Variants in HUWE1 observed in about 807,000 individuals in gnomAD.
The protein encoded by HUWE1 is HECT, UBA and WWE domain containing E3 ubiquitin protein ligase 1.
A neutral mutation model predicts 299.4 loss-of-function variants in HUWE1; 18 were observed. That is an observed-to-expected ratio of 0.06 (90% CI 0.04 to 0.09). The LOEUF (loss-of-function observed/expected upper bound fraction) is 0.09, where lower values mean the gene tolerates loss of function less well. Ranked by LOEUF, HUWE1 falls within the 10% of genes least tolerant of loss-of-function variation. HUWE1 has a pLI of 1.00. For synonymous variants in HUWE1, 1,317 were observed against 1,286.1 expected, an observed-to-expected ratio of 1.02 and a Z score of -0.51; for missense variants, 1,832 against 3,462.3, an observed-to-expected ratio of 0.53 and a Z score of 11.82.
chrX:53,629,420 C>A (rs1603203242), intron 13 of HUWE1, 96 bp downstream of exon 13: 6 of 587,814 alleles, frequency 1.0e-5, no homozygotes, highest in Middle Eastern at 3.1e-4. Flanking sequence ...TATGTATATG[C>A]AAATATCCCC....
At chrX:53,537,723 T>C in intron 77 of HUWE1, 27 bp from the exon 78 acceptor site, 4 of 1,199,501 alleles carry the variant, frequency 3.3e-6, no homozygotes, top group Non-Finnish European at 3.4e-6. Context: ...GGAAGGAAGA[T>C]AGGATTAAGG....
chrX:53,537,084 G>A (rs940209540), intron 78 of HUWE1, among the ~76,000 whole-genome samples: 3 of 111,627 alleles, frequency 2.7e-5, no homozygotes, highest in Non-Finnish European at 5.6e-5. Context: ...TGATTACACA[G>A]TTGGAGAGCC....
intron 60 of HUWE1, chrX:53,556,334 A>G (rs782567016): frequency 8.7e-6 from 3 of 345,070 alleles, no homozygotes; most frequent in Admixed American, 6.2e-5. Context: ...TGGCATGAGC[A>G]GAATCCTCTA....
intron 43 of HUWE1, among the ~76,000 whole-genome samples, chrX:53,578,867 C>CGCCGCCCGGCCAGCCG (rs2063401289): frequency 1.2e-5 from 1 of 80,159 alleles, no homozygotes; most frequent in African/African-American, 5.0e-5. Context: ...GGGGTCAGCC[C>CGCCGCCCGGCCAGCCG]CCCGCCCGGC....
intron 23 of HUWE1, among the ~76,000 whole-genome samples, chrX:53,612,244 T>C (rs1557003121): frequency 8.9e-6 from 1 of 111,848 alleles, no homozygotes; most frequent in Non-Finnish European, 1.9e-5. Context: ...AGTGAAAAAA[T>C]GTATGTGTCA....
At chrX:53,584,921 A>G in intron 40 of HUWE1, 91 bp downstream of exon 40, 2 of 978,244 alleles carry the variant, frequency 2.0e-6, no homozygotes, top group Non-Finnish European at 2.9e-6. Flanking sequence ...AAAAACCTCA[A>G]TGTGTGGTGT....
At chrX:53,582,100 C>T (rs902544124) in intron 42 of HUWE1, among the ~76,000 whole-genome samples, 2 of 112,055 alleles carry the variant, frequency 1.8e-5, no homozygotes, top group Non-Finnish European at 3.8e-5. Flanking sequence ...CATCTTGATA[C>T]GTTAAGACTG....
At chrX:53,614,289 A>T (rs781856291) in intron 23 of HUWE1, among the ~76,000 whole-genome samples, 1 of 111,441 alleles carries the variant, frequency 9.0e-6, no homozygotes, top group African/African-American at 3.3e-5. Context: ...AAAATTAAAA[A>T]TTAATTAATT....
At chrX:53,534,734 C>G in intron 81 of HUWE1, 37 bp from the exon 82 acceptor site, 2 of 1,159,891 alleles carry the variant, frequency 1.7e-6, no homozygotes, top group Non-Finnish European at 2.3e-6. Context: ...GACTTCTAAA[C>G]TCACACAACC....
chrX:53,590,700 C>G (rs2064110376), intron 34 of HUWE1, among the ~76,000 whole-genome samples: 1 of 112,350 alleles, frequency 8.9e-6, no homozygotes, highest in African/African-American at 3.2e-5. Flanking sequence ...AGGAAAATCA[C>G]ACGTAAAACT....
At position 53,586,737 on chromosome X, in the gene HUWE1, C is replaced by T. The variant is rs186552961; in HGVS notation, c.4742+45G>A. 3.9e-5 allele frequency: 47 copies of T among 1,205,636 alleles called. No individual in the cohort carries two copies. In the African/African-American group the frequency reaches 7.2e-4, roughly 18 times the overall value. On this transcript the variant is annotated intron_variant, in intron 38 of 83. Coordinates refer to ENST00000262854, the MANE Select transcript of HUWE1 (RefSeq NM_031407.7). ...AGAGTGCCTGATTCAGGCCCATGTC[C>T]CAGGGAAATAGAAACGAAACTAGGG...
At chrX:53,675,280 T>C (rs782347702) in intron 3 of HUWE1, among the ~76,000 whole-genome samples, 3 of 111,494 alleles carry the variant, frequency 2.7e-5, no homozygotes, top group East Asian at 2.8e-4. Flanking sequence ...AAACTGGTAT[T>C]GTAATGTCAA....
rs140959967 is a variant in HUWE1 at position 53,592,404 on chromosome X, C to T, written c.3966G>A (p.Leu1322=). ...TGTGAGGCCAGTACCCTACCTGTTG[C>T]AGTTGTTGCTGGTTGACTTGAGGTT... ...RREPQVNQQQ[L]QQLMDMGFTR... is the part of the protein sequence containing the mutation. The change falls in exon 33 of 84, where the codon CTG becomes CTA. Residue 1322 remains leucine (L), a synonymous_variant. Transcript: ENST00000262854. 2.4e-4 allele frequency: 285 copies of T among 1,199,546 alleles called. No homozygotes were observed. The African/African-American group carries it at 4.1e-3, about 17-fold the overall frequency.
At chrX:53,634,946 A>G (rs1249341841) in intron 7 of HUWE1, among the ~76,000 whole-genome samples, 2 of 112,168 alleles carry the variant, frequency 1.8e-5, no homozygotes, top group African/African-American at 6.5e-5. Context: ...CCTGCATCTT[A>G]ACAGCCTTTA....
intron 68 of HUWE1, 89 bp downstream of exon 68, chrX:53,547,584 C>T: frequency 8.6e-7 from 1 of 1,158,204 alleles, no homozygotes; most frequent in Non-Finnish European, 1.2e-6. Flanking sequence ...TGATTGCTAT[C>T]ACTGAGGGAG....
At chrX:53,679,098 T>C (rs1191824017) in intron 3 of HUWE1, among the ~76,000 whole-genome samples, 1 of 111,177 alleles carries the variant, frequency 9.0e-6, no homozygotes, top group Non-Finnish European at 1.9e-5. Flanking sequence ...TAGACACCAC[T>C]ACTGGGCTGT....
rs2061477493 is a variant in HUWE1, at chrX:53,544,566, T to C, written c.11245A>G (p.Arg3749Gly). 8.3e-7 allele frequency: 1 copy of C among 1,202,855 alleles called. No homozygotes were observed. Among genetic ancestry groups the C allele is most frequent in the Non-Finnish European group, 1.1e-6 (1 of 892,281 alleles). The change falls in exon 72 of 84, where the codon AGG (arginine) becomes GGG (glycine). Residue 3749 changes from arginine to glycine, a missense_variant. By Grantham distance (125) the Arg-to-Gly change is moderately radical. Coordinates refer to ENST00000262854, the MANE Select transcript of HUWE1 (RefSeq NM_031407.7). ...GGACACTCTAGTTCCATACCTAGCC[T>C]GCCTGTCTGCTTGGCTTTCTTGTTA... ...RANKKAKQTG[R>G]LGSSGLGSAS...
Position 53,592,637 on chromosome X carries a change from A to C in HUWE1, c.3742-9T>G. 8.8e-7 allele frequency: 1 copy of C among 1,142,447 alleles called. No homozygotes were observed. Among genetic ancestry groups the C allele is most frequent in the Non-Finnish European group, 1.2e-6 (1 of 836,261 alleles). The allele number at this position is 1,142,447 out of a possible 1,213,427, so 94.2% of individuals were successfully genotyped here. Reference sequence around the variant, plus strand: ...ATGCAAGTAAAGGCTGCCTGTAAGTAATTTGAAAAGTGTGTGAAAATCATT... The same window carrying C: ...ATGCAAGTAAAGGCTGCCTGTAAGTCATTTGAAAAGTGTGTGAAAATCATT... On this transcript the variant is annotated splice_polypyrimidine_tract_variant and intron_variant, in intron 32 of 83. Coordinates refer to ENST00000262854, the MANE Select transcript of HUWE1 (RefSeq NM_031407.7).
At chrX:53,615,973 C>T in intron 21 of HUWE1, 138 bp from the exon 22 acceptor site, 1 of 495,645 alleles carries the variant, frequency 2.0e-6, no homozygotes, top group South Asian at 2.8e-5. Context: ...GACTTTATGT[C>T]ACCCAGACTG....
Sources: gnomAD v4.1 joint callset for allele counts (sites outside exome capture counted in the v4.1 genomes callset) on GRCh38, gnomAD v4.1.1 for gene constraint, MANE v1.5 for transcripts, NCBI Gene and HGNC (gene_info 2026-07-23, HGNC 2026-07-21) for gene names.